TERT: variants seen among roughly 807,000 people sequenced by gnomAD.
The protein encoded by TERT is telomerase reverse transcriptase.
TERT carries 42 observed loss-of-function variants against 104.0 expected under a neutral mutation model. That is an observed-to-expected ratio of 0.40 (90% CI 0.32 to 0.52). The LOEUF (loss-of-function observed/expected upper bound fraction) is 0.52, where lower values mean the gene tolerates loss of function less well. Among genes scored for constraint, TERT ranks in the 20% least tolerant of loss-of-function variants. TERT has a pLI of 0.43. For synonymous variants in TERT, 781 were observed against 725.6 expected, an observed-to-expected ratio of 1.08 and a Z score of -1.23; for missense variants, 1,101 against 1,610.3, an observed-to-expected ratio of 0.68 and a Z score of 5.41.
chr5:1,282,290 G>C, intron 3 of TERT, 139 bp downstream of exon 3: 1 of 825,000 alleles, frequency 1.2e-6, no homozygotes, highest in East Asian at 2.5e-5. Context: ...CTTGGACCAG[G>C]CCTGTGACGG....
chr5:1,279,885 G>T (rs1749899004), intron 4 of TERT, among the ~76,000 whole-genome samples: 1 of 152,162 alleles, frequency 6.6e-6, no homozygotes, highest in Non-Finnish European at 1.5e-5. Flanking sequence ...CCAGGACCTC[G>T]GGCCGTGCTG....
At chr5:1,289,322 A>G (rs369923848) in intron 2 of TERT, among the ~76,000 whole-genome samples, 639 of 56,840 alleles carry the variant, frequency 0.011, no homozygotes, top group African/African-American at 0.02. Flanking sequence ...CACGTGACAG[A>G]GACACCCGGG....
Position 1,263,033 on chromosome 5 carries a change from G to A in TERT, c.2843+1371C>T, listed in dbSNP as rs984233409. Among the ~76,000 whole-genome samples, 1 of 152,178 alleles carries A rather than the reference G, an allele frequency of 6.6e-6. No homozygotes were observed. The highest frequency in any genetic ancestry group is 1.5e-5 in the Non-Finnish European group (1 of 68,028). ...GGAGACCGGCATCCTTGTGGGGAGG[G>A]AGCTGCAACAGGGACATGCTGGGCA... On this transcript the variant is annotated intron_variant, in intron 11 of 15. Coordinates refer to ENST00000310581, the MANE Select transcript of TERT (RefSeq NM_198253.3). The surrounding 1 kb of genome is among the most constrained non-coding windows in gnomAD (Gnocchi z 5.3).
In TERT at chr5:1,270,362, C is replaced by T. The variant is rs950914680; in HGVS notation, c.2468+757G>A. ...CCACGTTCCACCTGACTGCGGATGACCTTGCTGATGACCTTGAGTGTGCAC... is the reference window on the plus strand; with the variant it reads ...CCACGTTCCACCTGACTGCGGATGATCTTGCTGATGACCTTGAGTGTGCAC... On this transcript the variant is annotated intron_variant, in intron 8 of 15. Transcript: ENST00000310581. The surrounding 1 kb of genome is among the most constrained non-coding windows in gnomAD (Gnocchi z 8.3). Among the ~76,000 whole-genome samples the T allele has an allele frequency of 1.7e-4, 26 of 152,230 alleles. No homozygotes were observed. The highest frequency in any genetic ancestry group is 5.8e-4 in the African/African-American group (24 of 41,468).
rs1321190476 is a variant in TERT at position 1,269,880 on chromosome 5, G to A, written c.2468+1239C>T. On this transcript the variant is annotated intron_variant, in intron 8 of 15. Transcript: ENST00000310581. The surrounding 1 kb of genome is among the most constrained non-coding windows in gnomAD (Gnocchi z 9.0). ...ACCACGATGGGGACTAGAGCTTCGG[G>A]CCTGTCCGTGTCCTAGGGACAGGAC... Among the ~76,000 whole-genome samples the A allele has an allele frequency of 6.6e-6, 1 of 152,168 alleles. No homozygotes were observed. The highest frequency in any genetic ancestry group is 1.9e-4 in the East Asian group (1 of 5,192).
intron 3 of TERT, 84 bp from the exon 4 acceptor site, chr5:1,280,422 G>T: frequency 1.4e-6 from 2 of 1,463,310 alleles, no homozygotes; most frequent in South Asian, 1.2e-5. Flanking sequence ...AGCCCCCACC[G>T]ACTCAGTGAG....
In TERT at chr5:1,269,622, AAAAG is replaced by A. The variant is rs1271872894; in HGVS notation, c.2469-993_2469-990del. Reference sequence around the variant, plus strand: ...AGTGACGTTCCGTCTCAAAAAAAAAAAAAGAAAGAAAAGAAAAGAGGCTTTCCTT... The same window carrying A: ...AGTGACGTTCCGTCTCAAAAAAAAAAAAAGAAAAGAAAAGAGGCTTTCCTT... On this transcript the variant is annotated intron_variant, in intron 8 of 15. Transcript: ENST00000310581. The surrounding 1 kb of genome is among the most constrained non-coding windows in gnomAD (Gnocchi z 9.0). Among the ~76,000 whole-genome samples, 1 of 151,964 alleles carries A rather than the reference AAAAG, an allele frequency of 6.6e-6. No homozygotes were observed. The highest frequency in any genetic ancestry group is 2.4e-5 in the African/African-American group (1 of 41,352).
chr5:1,292,501 G>A lies in TERT; in HGVS notation c.1573+812C>T, dbSNP rs555586990. Among the ~76,000 whole-genome samples, 51 of 148,042 alleles carry A rather than the reference G, an allele frequency of 3.4e-4. No homozygotes were observed. Among genetic ancestry groups the A allele is most frequent in the African/African-American group, 1.2e-3 (47 of 40,270 alleles). ...ATCTCCCTCCCTCTACCCTGTCCTG[G>A]CACAATCAACGAACACTTTTTTTTT... On this transcript the variant is annotated intron_variant, in intron 2 of 15. Coordinates refer to ENST00000310581, the MANE Select transcript of TERT (RefSeq NM_198253.3). The surrounding 1 kb of genome is among the most constrained non-coding windows in gnomAD (Gnocchi z 5.5).
intron 6 of TERT, among the ~76,000 whole-genome samples, chr5:1,275,527 G>A (rs1749499951): frequency 6.6e-6 from 1 of 151,950 alleles, no homozygotes; most frequent in South Asian, 2.1e-4. Flanking sequence ...ACCACAGCAG[G>A]CACCACACGA....
At position 1,278,678 on chromosome 5, in the gene TERT, G is replaced by A. The variant is rs867111529; in HGVS notation, c.2249C>T (p.Ala750Val). The A allele has an allele frequency of 6.2e-7, 1 of 1,614,158 alleles. No individual in the cohort carries two copies. The highest frequency in any genetic ancestry group is 8.5e-7 in the Non-Finnish European group (1 of 1,180,048). ...GGCCTTGCGGACGTGCCCATGGGCGGCCTTCTGGACCACGGCATACCGACG... is the reference window on the plus strand; with the variant it reads ...GGCCTTGCGGACGTGCCCATGGGCGACCTTCTGGACCACGGCATACCGACG... The part of the protein sequence containing the change: ...CVRRYAVVQK[A>V]AHGHVRKAFK... The change falls in exon 6 of 16, where the codon GCC (alanine) becomes GTC (valine). Residue 750 changes from alanine to valine, a missense_variant. This residue lies in a region of TERT where 463 missense variants were observed against 797.5 expected (regional missense o/e 0.58). Coordinates refer to ENST00000310581, the MANE Select transcript of TERT (RefSeq NM_198253.3).
At chr5:1,285,193 C>G (rs1750395985) in intron 2 of TERT, among the ~76,000 whole-genome samples, 1 of 146,934 alleles carries the variant, frequency 6.8e-6, no homozygotes, top group Admixed American at 6.8e-5. Flanking sequence ...GACCTCACCC[C>G]TGACCTGCAC....
chr5:1,254,667 T>C (rs1025590840), intron 14 of TERT, among the ~76,000 whole-genome samples, 162 bp from the exon 15 acceptor site: 3 of 152,114 alleles, frequency 2.0e-5, no homozygotes, highest in African/African-American at 7.2e-5. Flanking sequence ...TTCTTCGGCT[T>C]CTCCAGGTGA....
At position 1,264,610 on chromosome 5, in the gene TERT, T is replaced by C. The variant is rs1365689955; in HGVS notation, c.2655-18A>G. 2.5e-6 allele frequency: 4 copies of C among 1,613,330 alleles called. No individual in the cohort carries two copies. The highest frequency in any genetic ancestry group is 2.7e-5 in the African/African-American group (2 of 74,924). On this transcript the variant is annotated intron_variant, in intron 10 of 15. Coordinates refer to ENST00000310581, the MANE Select transcript of TERT (RefSeq NM_198253.3). The stretch of plus-strand genomic sequence containing the variant: ...CCAGGGTCCTAAGGCAGAGGGGCAA[T>C]GTCAGCCCCAGGATGCGGGGCCGTC...
At chr5:1,291,573 AC>A (rs1750968649) in intron 2 of TERT, among the ~76,000 whole-genome samples, 1 of 116,986 alleles carries the variant, frequency 8.5e-6, no homozygotes, top group Non-Finnish European at 1.8e-5. Flanking sequence ...CGCCTCACTC[AC>A]CCTGCACGTG....
chr5:1,266,897 C>T (rs1243365377), intron 9 of TERT, among the ~76,000 whole-genome samples: 2 of 152,176 alleles, frequency 1.3e-5, no homozygotes, highest in Non-Finnish European at 2.9e-5. Flanking sequence ...CCACGTGGTG[C>T]CCTTTACCAG....
chr5:1,253,813 C>T lies in TERT; in HGVS notation c.3314G>A (p.Arg1105Gln), dbSNP rs532930887. Residue 1105 changes from arginine (R) to glutamine (Q), a missense_variant, in exon 16 of 16, where the codon CGG (arginine) becomes CAG (glutamine). By Grantham distance (43) the Arg-to-Gln change is conservative. Transcript: ENST00000310581. ...SLRTAQTQLSRKLPGTTLTAL... is the reference protein window; with the variant it reads ...SLRTAQTQLSQKLPGTTLTAL... ...AGTCAGCGTCGTCCCCGGGAGCTTC[C>T]GACTCAGCTGCGTCTGGGCTGCGGG... is the stretch of plus-strand genomic sequence containing the variant. The T allele has an allele frequency of 6.8e-6, 11 of 1,610,768 alleles. No individual in the cohort carries two copies. In the South Asian group the frequency reaches 1.0e-4, roughly 15 times the overall value.
intron 6 of TERT, 87 bp from the exon 7 acceptor site, chr5:1,272,367 G>T: frequency 1.7e-6 from 2 of 1,189,524 alleles, no homozygotes; most frequent in South Asian, 1.3e-5. Context: ...AGGACGTGTG[G>T]ACCTGCGGCC....
intron 15 of TERT, 21 bp downstream of exon 15, chr5:1,254,347 C>A (rs368075423): frequency 3.7e-6 from 6 of 1,612,762 alleles, no homozygotes; most frequent in Non-Finnish European, 5.1e-6. Context: ...GGGGCCCGCA[C>A]TGGCCTCCAC....
chr5:1,276,594 C>T (rs1429250709), intron 6 of TERT, among the ~76,000 whole-genome samples: 2 of 151,478 alleles, frequency 1.3e-5, no homozygotes, highest in African/African-American at 4.9e-5. Context: ...TCCCACAGAT[C>T]CCCACCTACC....
Sources: allele counts gnomAD v4.1 joint callset (sites outside exome capture counted in the v4.1 genomes callset), GRCh38; gene constraint gnomAD v4.1.1; regional missense constraint gnomAD v4.1.1; non-coding constraint Gnocchi (gnomAD v3.1); transcripts MANE v1.5; gene names NCBI Gene and HGNC (gene_info 2026-07-23, HGNC 2026-07-21).